The following SMOX variants were observed in gnomAD, a reference collection of about 807,000 sequenced individuals.
SMOX encodes spermine oxidase, also known as flavin containing amine oxidase.
A neutral mutation model predicts 51.0 loss-of-function variants in SMOX; 22 were observed. That is an observed-to-expected ratio of 0.43 (90% CI 0.31 to 0.62). The LOEUF is 0.62. SMOX is among the 20% of genes least tolerant of loss of function. The pLI is 0.10. For synonymous variants in SMOX, 282 were observed against 307.8 expected (o/e 0.92, Z 0.88); for missense variants, 566 against 777.7 (o/e 0.73, Z 3.24).
chr20:4,164,882 G>A (rs1055056664), intron 1 of SMOX, among the ~76,000 whole-genome samples: 5 of 151,962 alleles, frequency 3.3e-5, no homozygotes, highest in African/African-American at 4.8e-5. Flanking sequence ...GGCAGTGACC[G>A]GCTCTGTGGT....
Position 4,177,214 on chromosome 20 carries a change from C to T in SMOX, c.209-137C>T. 6.7e-6 allele frequency: 5 copies of T among 750,608 alleles called. No homozygotes were observed. The highest frequency in any genetic ancestry group is 2.1e-6 in the Non-Finnish European group (1 of 465,508). 46.5% of individuals were successfully genotyped at this position (750,608 alleles called of 1,614,324 possible). A position where few individuals can be genotyped will look rare whatever the true frequency, so the allele number is the denominator to read the frequency against. On this transcript the variant is annotated intron_variant, in intron 2 of 6. Coordinates refer to ENST00000305958, the MANE Select transcript of SMOX (RefSeq NM_175839.3). The surrounding 1 kb of genome is among the most constrained non-coding windows in gnomAD (Gnocchi z 4.3). ...TTTCACTGAGGACCTTCGTTGGTTGCCAGCAGTGGAAGTTCAAGCTCTTTC... is the reference window on the plus strand; with the variant it reads ...TTTCACTGAGGACCTTCGTTGGTTGTCAGCAGTGGAAGTTCAAGCTCTTTC...
chr20:4,154,717 G>A (rs139862268), intron 1 of SMOX, among the ~76,000 whole-genome samples: 1 of 152,306 alleles, frequency 6.6e-6, no homozygotes, highest in African/African-American at 2.4e-5. Flanking sequence ...GCTCCATGGA[G>A]CACGCTTTGT....
rs555258453 is a variant in SMOX, at chr20:4,170,103, G to T, written c.-26-4927G>T. ...ATGCCCAGCTGTGCTTATCCTTGGAGGGTGGGGCTGGGAGATTGAGACCCG... is the reference window on the plus strand; with the variant it reads ...ATGCCCAGCTGTGCTTATCCTTGGATGGTGGGGCTGGGAGATTGAGACCCG... On this transcript the variant is annotated intron_variant, in intron 1 of 6. Transcript: ENST00000305958. This position sits in a 1 kb window ranked among gnomAD's most constrained non-coding sequence, Gnocchi z 4.6. Among the ~76,000 whole-genome samples the T allele has an allele frequency of 9.2e-5, 14 of 152,108 alleles. No individual in the cohort carries two copies. Among genetic ancestry groups the T allele is most frequent in the Admixed American group, 5.9e-4 (9 of 15,276 alleles).
At chr20:4,162,161 G>T (rs1050773487) in intron 1 of SMOX, among the ~76,000 whole-genome samples, 2 of 152,222 alleles carry the variant, frequency 1.3e-5, no homozygotes, top group Non-Finnish European at 2.9e-5. Context: ...AGCGCAGGGC[G>T]GCCCGGGTGG....
At chr20:4,173,765 C>A (rs1356458591) in intron 1 of SMOX, among the ~76,000 whole-genome samples, 1 of 152,248 alleles carries the variant, frequency 6.6e-6, no homozygotes, top group Non-Finnish European at 1.5e-5. Context: ...GCAAAGACAA[C>A]TGGAATCTAA....
At chr20:4,151,791 T>G (rs1181511285) in intron 1 of SMOX, among the ~76,000 whole-genome samples, 1 of 152,214 alleles carries the variant, frequency 6.6e-6, no homozygotes, top group East Asian at 1.9e-4. Flanking sequence ...TTTGTTACAA[T>G]TGTTTGTATA....
Position 4,183,728 on chromosome 20 carries a change from G to A in SMOX, c.1530+74G>A. ...ATGTGTGTCCGGTCCAGGGTGAGGA[G>A]GGCTAGGGTAGTGTTCACTAAGGGG... is the stretch of plus-strand genomic sequence containing the variant. On this transcript the variant is annotated intron_variant, in intron 6 of 6. Coordinates refer to ENST00000305958, the MANE Select transcript of SMOX (RefSeq NM_175839.3). This position sits in a 1 kb window ranked among gnomAD's most constrained non-coding sequence, Gnocchi z 4.3. The A allele has an allele frequency of 6.7e-7, 1 of 1,487,918 alleles. No homozygotes were observed. 92.2% of individuals were successfully genotyped at this position (1,487,918 alleles called of 1,614,324 possible). A position where few individuals can be genotyped will look rare whatever the true frequency, so the allele number is the denominator to read the frequency against.
At chr20:4,169,095 A>C (rs768319039) in intron 1 of SMOX, among the ~76,000 whole-genome samples, 5 of 151,916 alleles carry the variant, frequency 3.3e-5, no homozygotes, top group Middle Eastern at 3.2e-3. Context: ...CTACAGGTAC[A>C]TTTCACCACA....
chr20:4,184,053 C>T (rs1979556352), intron 6 of SMOX, among the ~76,000 whole-genome samples: 1 of 151,644 alleles, frequency 6.6e-6, no homozygotes, highest in African/African-American at 2.4e-5. Context: ...GATCACAGCT[C>T]ACTGCAGCCT....
chr20:4,184,735 G>A (rs980233233), intron 6 of SMOX, among the ~76,000 whole-genome samples: 1 of 152,166 alleles, frequency 6.6e-6, no homozygotes, highest in African/African-American at 2.4e-5. Context: ...CCTCAGAAAG[G>A]CCCTTTCTGC....
intron 1 of SMOX, among the ~76,000 whole-genome samples, chr20:4,159,467 T>G (rs1331069131): frequency 1.3e-5 from 2 of 152,172 alleles, no homozygotes; most frequent in South Asian, 2.1e-4. Context: ...TATTACTAAG[T>G]AAAATTTAGA....
chr20:4,173,238 C>G (rs1167769210), intron 1 of SMOX, among the ~76,000 whole-genome samples: 2 of 152,196 alleles, frequency 1.3e-5, no homozygotes, highest in Admixed American at 6.5e-5. Flanking sequence ...AGTCATCTCC[C>G]TGCCTTCTAA....
chr20:4,154,458 C>A (rs117673798), intron 1 of SMOX, among the ~76,000 whole-genome samples: 1 of 151,858 alleles, frequency 6.6e-6, no homozygotes, highest in Non-Finnish European at 1.5e-5. Context: ...TCACTGCAAC[C>A]TTCGCCTCCT....
chr20:4,187,465 C>G lies in SMOX; in HGVS notation c.*58C>G. On this transcript the variant is annotated 3_prime_UTR_variant, in exon 7 of 7. Transcript: ENST00000305958. The surrounding 1 kb of genome is among the most constrained non-coding windows in gnomAD (Gnocchi z 4.8). Reference sequence around the variant, plus strand: ...CTCGTGACCTCCAGCCTGCCCCTTGCTGCCGTGTGCTCCTGCCTTCCTGAT... The same window carrying G: ...CTCGTGACCTCCAGCCTGCCCCTTGGTGCCGTGTGCTCCTGCCTTCCTGAT... 1 of 1,586,222 alleles carries G rather than the reference C, an allele frequency of 6.3e-7. No individual in the cohort carries two copies. Among genetic ancestry groups the G allele is most frequent in the South Asian group, 1.1e-5 (1 of 87,142 alleles).
chr20:4,180,819 C>T (rs1979264867), intron 3 of SMOX, among the ~76,000 whole-genome samples: 3 of 152,164 alleles, frequency 2.0e-5, no homozygotes, highest in South Asian at 2.1e-4. Context: ...GGGTTGTCTG[C>T]GTTGACCTCA....
At chr20:4,179,591 A>G (rs1009421302) in intron 3 of SMOX, among the ~76,000 whole-genome samples, 1 of 152,214 alleles carries the variant, frequency 6.6e-6, no homozygotes, top group South Asian at 2.1e-4. Context: ...ACTCATCTGA[A>G]TGTATTTTAT....
In SMOX at chr20:4,170,633, C is replaced by G. The variant is rs1251606621; in HGVS notation, c.-26-4397C>G. ...ATGAAGAAGTGGCAGTTCACACAAA[C>G]TTTGGTGGCTCGTGCCCACTCTGGT... On this transcript the variant is annotated intron_variant, in intron 1 of 6. Coordinates refer to ENST00000305958, the MANE Select transcript of SMOX (RefSeq NM_175839.3). The surrounding 1 kb of genome is among the most constrained non-coding windows in gnomAD (Gnocchi z 4.6). Among the ~76,000 whole-genome samples, 2 of 152,142 alleles carry G rather than the reference C, an allele frequency of 1.3e-5. No individual in the cohort carries two copies. The highest frequency in any genetic ancestry group is 2.4e-5 in the African/African-American group (1 of 41,420).
intron 1 of SMOX, among the ~76,000 whole-genome samples, chr20:4,150,769 C>T (rs1037154037): frequency 1.3e-5 from 2 of 151,690 alleles, no homozygotes; most frequent in African/African-American, 4.8e-5. Context: ...GAAACAGAAC[C>T]CTGATGGCAC....
rs1986795169 is a variant in SMOX at position 4,170,889 on chromosome 20, A to AC, written c.-26-4139dup. 6.6e-6 allele frequency among the ~76,000 whole-genome samples: 1 copy of AC among 151,972 alleles called. No individual in the cohort carries two copies. Among genetic ancestry groups the AC allele is most frequent in the South Asian group, 2.1e-4 (1 of 4,810 alleles). The stretch of plus-strand genomic sequence containing the variant: ...GTATCTTGGATGAAATTGCCAGGGG[A>AC]CCGGGGGGTGCACTCATGCCCTGGC... On this transcript the variant is annotated intron_variant, in intron 1 of 6. Coordinates refer to ENST00000305958, the MANE Select transcript of SMOX (RefSeq NM_175839.3). The surrounding 1 kb of genome is among the most constrained non-coding windows in gnomAD (Gnocchi z 4.6).
Sources: allele counts gnomAD v4.1 joint callset (sites outside exome capture counted in the v4.1 genomes callset), GRCh38; gene constraint gnomAD v4.1.1; non-coding constraint Gnocchi (gnomAD v3.1); transcripts MANE v1.5; gene names NCBI Gene and HGNC (gene_info 2026-07-23, HGNC 2026-07-21).